The following IPO11 variants were observed in gnomAD, a reference collection of about 807,000 sequenced individuals.
IPO11 encodes importin 11.
IPO11 carries 66 observed loss-of-function variants against 143.2 expected under a neutral mutation model. That is an observed-to-expected ratio of 0.46 (90% confidence interval 0.38 to 0.57). The LOEUF (loss-of-function observed/expected upper bound fraction) is 0.57. Among genes scored for constraint, IPO11 ranks in the 20% least tolerant of loss-of-function variants. The probability of loss-of-function intolerance (pLI) is 0.00; values close to 1 mark genes in which losing one functional copy is unlikely to be tolerated. For missense variants in IPO11, 1,026 were observed against 1,141.0 expected, an observed-to-expected ratio of 0.90 and a Z score of 1.45; for synonymous variants, 385 against 377.8, an observed-to-expected ratio of 1.02 and a Z score of -0.22.
At chr5:62,522,635 ATG>A (rs1742241300) in intron 20 of IPO11, among the ~76,000 whole-genome samples, 1 of 151,994 alleles carries the variant, frequency 6.6e-6, no homozygotes, top group Admixed American at 6.6e-5. Flanking sequence ...TTGTAGGAGA[ATG>A]TTTTCGGGTT....
intron 29 of IPO11, among the ~76,000 whole-genome samples, chr5:62,604,469 C>G (rs1745626729): frequency 6.6e-6 from 1 of 152,162 alleles, no homozygotes; most frequent in African/African-American, 2.4e-5. Context: ...CCTTGGCCTC[C>G]CAAAGTGCTG....
chr5:62,561,878 G>A (rs572820752), intron 27 of IPO11: 1 of 152,276 alleles, frequency 6.6e-6, no homozygotes, highest in African/African-American at 2.4e-5. Context: ...TTCATGCTGT[G>A]TAGATTTTTT....
intron 29 of IPO11, among the ~76,000 whole-genome samples, chr5:62,623,358 A>C (rs1210754001): frequency 1.3e-5 from 2 of 152,182 alleles, no homozygotes; most frequent in Non-Finnish European, 2.9e-5. Flanking sequence ...TAAGTGACAA[A>C]AATTAAATTC....
intron 27 of IPO11, chr5:62,578,635 A>C: frequency 2.2e-6 from 1 of 462,148 alleles, no homozygotes; most frequent in Non-Finnish European, 4.5e-6. Context: ...ATTCTGAAAA[A>C]ATAAGTTCCT....
intron 16 of IPO11, among the ~76,000 whole-genome samples, chr5:62,499,370 A>G (rs1455191437): frequency 6.6e-6 from 1 of 152,226 alleles, no homozygotes; most frequent in East Asian, 1.9e-4. Context: ...ACACCTCTAT[A>G]GGGCGCTTAA....
intron 20 of IPO11, among the ~76,000 whole-genome samples, chr5:62,525,633 C>T (rs1015001500): frequency 1.3e-5 from 2 of 152,232 alleles, no homozygotes; most frequent in Admixed American, 6.5e-5. Flanking sequence ...GTCCTCCCGC[C>T]TTGGCCTCCC....
chr5:62,522,901 A>G (rs1742249579), intron 20 of IPO11, among the ~76,000 whole-genome samples: 1 of 152,176 alleles, frequency 6.6e-6, no homozygotes, highest in African/African-American at 2.4e-5. Flanking sequence ...ATTTTCTAGA[A>G]GTCCTCTTAT....
chr5:62,607,850 G>A (rs1580382230), intron 29 of IPO11, among the ~76,000 whole-genome samples: 3 of 150,100 alleles, frequency 2.0e-5, no homozygotes, highest in East Asian at 3.9e-4. Flanking sequence ...CTGGAGTGCA[G>A]TGGTGCTATC....
intron 2 of IPO11, among the ~76,000 whole-genome samples, chr5:62,440,590 C>A (rs1442025679): frequency 1.3e-5 from 2 of 151,996 alleles, no homozygotes; most frequent in African/African-American, 4.8e-5. Flanking sequence ...CTCCTGACCT[C>A]AAATAATCTG....
rs1235441625 is a variant in IPO11 at position 62,591,670 on chromosome 5, A to G, written c.2676A>G (p.Lys892=). ...MTEDPETGTY[K]DCMLMSHLEE... is the part of the protein sequence containing the mutation. ...AAGATCCTGAAACAGGAACTTATAA[A>G]GAGTAGGTGCATTATTTAATTAATC... is the stretch of plus-strand genomic sequence containing the variant. The change falls in exon 28 of 30, where the codon AAA becomes AAG. Residue 892 remains lysine (K), a splice_region_variant and synonymous_variant. Coordinates refer to ENST00000325324, the MANE Select transcript of IPO11 (RefSeq NM_016338.5). 6.3e-7 allele frequency: 1 copy of G among 1,587,786 alleles called. No homozygotes were observed. The highest frequency in any genetic ancestry group is 1.4e-5 in the African/African-American group (1 of 73,998).
intron 1 of IPO11, among the ~76,000 whole-genome samples, chr5:62,429,041 C>T (rs1238769168): frequency 2.0e-5 from 3 of 152,058 alleles, no homozygotes; most frequent in Admixed American, 1.3e-4. Context: ...ATTTACAGTC[C>T]GTGTAATTCA....
intron 19 of IPO11, among the ~76,000 whole-genome samples, chr5:62,514,933 A>G (rs940169543): frequency 1.3e-5 from 2 of 151,936 alleles, no homozygotes; most frequent in African/African-American, 2.4e-5. Context: ...TTTCATTGTA[A>G]GGGTTTGTCT....
At chr5:62,537,952 A>G (rs1742791475) in intron 24 of IPO11, among the ~76,000 whole-genome samples, 2 of 152,206 alleles carry the variant, frequency 1.3e-5, no homozygotes, top group South Asian at 4.1e-4. Flanking sequence ...CAGCAAACCA[A>G]CACAGCACAT....
chr5:62,425,116 C>T (rs1029779900), intron 1 of IPO11, among the ~76,000 whole-genome samples: 2 of 152,192 alleles, frequency 1.3e-5, no homozygotes, highest in Non-Finnish European at 2.9e-5. Flanking sequence ...TCATTTCTTT[C>T]TCTCAGGAGC....
chr5:62,562,142 G>T (rs1330846093), intron 27 of IPO11: 3 of 152,272 alleles, frequency 2.0e-5, no homozygotes, highest in Admixed American at 2.0e-4. Flanking sequence ...ATGAATGTTG[G>T]TGGTATATTC....
At chr5:62,559,420 T>A (rs1013385995) in intron 26 of IPO11, among the ~76,000 whole-genome samples, 9 of 152,064 alleles carry the variant, frequency 5.9e-5, no homozygotes, top group Non-Finnish European at 1.2e-4. Context: ...GACTATTTGG[T>A]CCTCAGTAGA....
chr5:62,525,337 T>G (rs1451126493), intron 20 of IPO11, among the ~76,000 whole-genome samples: 1 of 138,634 alleles, frequency 7.2e-6, no homozygotes, highest in Non-Finnish European at 1.5e-5. Flanking sequence ...TTTAAAATTC[T>G]GTGTCAAATC....
chr5:62,547,651 A>G (rs1743250503), intron 24 of IPO11, among the ~76,000 whole-genome samples: 1 of 152,026 alleles, frequency 6.6e-6, no homozygotes, highest in Admixed American at 6.6e-5. Flanking sequence ...GTATACGACT[A>G]TGTTATTTAT....
chr5:62,461,385 G>C (rs547191549), intron 5 of IPO11, among the ~76,000 whole-genome samples: 1 of 152,308 alleles, frequency 6.6e-6, no homozygotes, highest in South Asian at 2.1e-4. Context: ...GGGGATTCTG[G>C]CTAAACCAAC....
Sources: allele counts gnomAD v4.1 joint callset (sites outside exome capture counted in the v4.1 genomes callset), GRCh38; gene constraint gnomAD v4.1.1; transcripts MANE v1.5; gene names NCBI Gene and HGNC (gene_info 2026-07-23, HGNC 2026-07-21).